ITGA1: variants seen among roughly 807,000 people sequenced by gnomAD.
ITGA1 encodes integrin alpha-1.
In ITGA1, 85 loss-of-function variants were observed where a neutral mutation model predicts 145.9. The observed-to-expected ratio is 0.58, with a 90% CI of 0.49 to 0.70. ITGA1 has a LOEUF of 0.70. Among genes scored for constraint, ITGA1 ranks in the 30% least tolerant of loss-of-function variants. The pLI is 0.00. For missense variants in ITGA1, 1,351 were observed against 1,418.7 expected (o/e 0.95, Z 0.77); for synonymous variants, 520 against 495.3 (o/e 1.05, Z -0.66).
chr5:52,936,712 C>G (rs1750969915), intron 23 of ITGA1, among the ~76,000 whole-genome samples: 1 of 152,180 alleles, frequency 6.6e-6, no homozygotes, highest in East Asian at 1.9e-4. Context: ...ACCTTTCCCT[C>G]TGAGCTACAC....
intron 2 of ITGA1, among the ~76,000 whole-genome samples, chr5:52,850,460 A>G (rs543397386): frequency 1.3e-5 from 2 of 152,310 alleles, no homozygotes; most frequent in South Asian, 2.1e-4. Flanking sequence ...TAGTTTAATA[A>G]CTTAAACTAA....
At chr5:52,949,868 C>T (rs2111913895) in intron 28 of ITGA1, among the ~76,000 whole-genome samples, 1 of 151,372 alleles carries the variant, frequency 6.6e-6, no homozygotes, top group Non-Finnish European at 1.5e-5. Context: ...CTTTTTTATT[C>T]TAACTAGATC....
intron 1 of ITGA1, among the ~76,000 whole-genome samples, chr5:52,832,795 G>C (rs1347318887): frequency 1.4e-5 from 2 of 147,432 alleles, no homozygotes; most frequent in Non-Finnish European, 3.0e-5. Flanking sequence ...GTGTGTGTGT[G>C]TGTGTGTGTG....
intron 19 of ITGA1, among the ~76,000 whole-genome samples, chr5:52,925,962 C>A (rs1033611003): frequency 2.4e-4 from 36 of 152,050 alleles, no homozygotes; most frequent in African/African-American, 8.7e-4. Flanking sequence ...ACAGAGGTTT[C>A]TTTTATTACA....
intron 14 of ITGA1, among the ~76,000 whole-genome samples, chr5:52,912,532 C>G (rs62638856): frequency 6.4e-5 from 3 of 47,234 alleles, no homozygotes; most frequent in Middle Eastern, 0.012. Flanking sequence ...AGTGTATCCA[C>G]TATAGGTATT....
In ITGA1 at chr5:52,927,478, T is replaced by G. The variant is rs1014541977; in HGVS notation, c.2614-106T>G. On this transcript the variant is annotated intron_variant, in intron 19 of 28. Coordinates refer to ENST00000282588, the MANE Select transcript of ITGA1 (RefSeq NM_181501.2). ...TCTTCCAGCTAAATCGAGACAAAAATAGTGGCAAGGCAGTCACCAAGACAC... is the reference window on the plus strand; with the variant it reads ...TCTTCCAGCTAAATCGAGACAAAAAGAGTGGCAAGGCAGTCACCAAGACAC... 5 of 688,942 alleles carry G rather than the reference T, an allele frequency of 7.3e-6. No individual in the cohort carries two copies. In the Admixed American group the frequency reaches 1.2e-4, roughly 17 times the overall value. The allele number at this position is 688,942 out of a possible 1,614,324, so 42.7% of individuals were successfully genotyped here.
At chr5:52,833,743 G>A (rs900229669) in intron 1 of ITGA1, among the ~76,000 whole-genome samples, 7 of 152,042 alleles carry the variant, frequency 4.6e-5, no homozygotes, top group Non-Finnish European at 1.0e-4. Context: ...GCAAATTGAA[G>A]TTGTTCTGAT....
chr5:52,921,157 A>G (rs1750725273), intron 17 of ITGA1, among the ~76,000 whole-genome samples: 1 of 152,140 alleles, frequency 6.6e-6, no homozygotes, highest in East Asian at 1.9e-4. Context: ...ACATTTTCTT[A>G]AAATGTACAT....
chr5:52,822,461 A>C (rs1392806331), intron 1 of ITGA1, among the ~76,000 whole-genome samples: 1 of 152,208 alleles, frequency 6.6e-6, no homozygotes, highest in Non-Finnish European at 1.5e-5. Context: ...GACTGGGCAG[A>C]GCTAGACAAT....
intron 19 of ITGA1, among the ~76,000 whole-genome samples, chr5:52,925,842 CA>C (rs1313997217): frequency 1.3e-5 from 2 of 151,576 alleles, no homozygotes; most frequent in African/African-American, 2.4e-5. Flanking sequence ...CTGTGTTAAG[CA>C]AAAAAAATTT....
At chr5:52,908,670 G>C (rs548788413) in intron 12 of ITGA1, among the ~76,000 whole-genome samples, 1 of 152,156 alleles carries the variant, frequency 6.6e-6, no homozygotes. Flanking sequence ...ACTGTCAAGC[G>C]ATGAAATCTG....
At chr5:52,941,635 A>C (rs939420646) in intron 26 of ITGA1, among the ~76,000 whole-genome samples, 1 of 152,034 alleles carries the variant, frequency 6.6e-6, no homozygotes. Flanking sequence ...TTGTTGATTG[A>C]TTGCTTGCTG....
intron 6 of ITGA1, among the ~76,000 whole-genome samples, chr5:52,869,041 G>A (rs2111783232): frequency 6.6e-6 from 1 of 152,260 alleles, no homozygotes; most frequent in Middle Eastern, 3.4e-3. Flanking sequence ...ATGGCTCATG[G>A]AATTTCTGCT....
chr5:52,842,252 T>C (rs1749266266), intron 1 of ITGA1, among the ~76,000 whole-genome samples: 1 of 152,156 alleles, frequency 6.6e-6, no homozygotes, highest in Non-Finnish European at 1.5e-5. Flanking sequence ...AATGGAATGG[T>C]GTCATCTGTA....
At chr5:52,911,468 GTATA>G (rs1314352697) in intron 14 of ITGA1, among the ~76,000 whole-genome samples, 7 of 127,096 alleles carry the variant, frequency 5.5e-5, no homozygotes, top group East Asian at 2.3e-4. Flanking sequence ...AGTGTATCTA[GTATA>G]TAGATACACT....
chr5:52,949,604 G>A (rs1423219511), intron 28 of ITGA1, among the ~76,000 whole-genome samples: 2 of 152,092 alleles, frequency 1.3e-5, no homozygotes, highest in African/African-American at 4.8e-5. Flanking sequence ...ACTGCTGCAG[G>A]CTATAGGGTA....
At chr5:52,945,144 G>A (rs865917237) in intron 27 of ITGA1, 109 bp downstream of exon 27, 148 of 718,210 alleles carry the variant, frequency 2.1e-4, no homozygotes, top group Middle Eastern at 6.3e-4. Flanking sequence ...TATTGCTCTC[G>A]GTAAGTGACA....
chr5:52,892,471 T>A (rs1043580369), intron 8 of ITGA1, among the ~76,000 whole-genome samples: 4 of 152,204 alleles, frequency 2.6e-5, no homozygotes, highest in African/African-American at 9.6e-5. Context: ...ATTCACTTAT[T>A]GTATGACCCA....
intron 28 of ITGA1, among the ~76,000 whole-genome samples, chr5:52,947,776 T>C (rs1751158268): frequency 6.6e-6 from 1 of 152,176 alleles, no homozygotes; most frequent in Non-Finnish European, 1.5e-5. Flanking sequence ...AATAAGTATG[T>C]ATTTCTTTTA....
Sources: gnomAD v4.1 joint callset for allele counts (sites outside exome capture counted in the v4.1 genomes callset) on GRCh38, gnomAD v4.1.1 for gene constraint, MANE v1.5 for transcripts, NCBI Gene and HGNC (gene_info 2026-07-23, HGNC 2026-07-21) for gene names.